OSBPL9: variants seen among roughly 807,000 people sequenced by gnomAD.
OSBPL9 encodes oxysterol binding protein like 9.
A neutral mutation model predicts 106.6 loss-of-function variants in OSBPL9; 40 were observed. The ratio of observed to expected loss-of-function variants is 0.38; its 90% CI spans 0.29 to 0.49. The LOEUF is 0.49. Among genes scored for constraint, OSBPL9 ranks in the 20% least tolerant of loss-of-function variants. The pLI is 0.97. For synonymous variants in OSBPL9, 269 were observed against 295.4 expected (o/e 0.91, Z 0.92); for missense variants, 609 against 887.2 (o/e 0.69, Z 3.98).
chr1:51,616,489 CCTT>C (rs1383545108), upstream of OSBPL9, among the ~76,000 whole-genome samples: 5 of 152,212 alleles, frequency 3.3e-5, no homozygotes, highest in Non-Finnish European at 5.9e-5. Flanking sequence ...CAGGCTCCCT[CCTT>C]CGCTTTCTTC....
At chr1:51,619,593 T>C (rs543509718) in intron 1 of OSBPL9, among the ~76,000 whole-genome samples, 1 of 152,300 alleles carries the variant, frequency 6.6e-6, no homozygotes, top group East Asian at 1.9e-4. Flanking sequence ...TTCCTTGATA[T>C]TGAAGTATTT....
the OSBPL9 span, among the ~76,000 whole-genome samples, chr1:51,560,058 A>C: frequency 6.6e-6 from 1 of 152,256 alleles, no homozygotes; most frequent in South Asian, 2.1e-4. Context: ...AAGCCAGAGA[A>C]GCAAGAAAGT....
intron 1 of OSBPL9, among the ~76,000 whole-genome samples, chr1:51,583,296 A>G (rs1004247284): frequency 6.6e-6 from 1 of 152,104 alleles, no homozygotes; most frequent in African/African-American, 2.4e-5. Flanking sequence ...AGAGTGTAGG[A>G]AAGGGAGCTA....
In OSBPL9 at chr1:51,622,245, G is replaced by A. The variant is rs551455553; in HGVS notation, c.111+5024G>A. 4.5e-4 allele frequency among the ~76,000 whole-genome samples: 68 copies of A among 152,272 alleles called. 1 individual carries two copies. The Middle Eastern group carries it at 0.034, about 76-fold the overall frequency. ...TTGACATAAAGATGTGTTACAGTCT[G>A]GAGCTTGGGACAAAAATCTGGGCTG... On this transcript the variant is annotated intron_variant, in intron 1 of 23. Transcript: ENST00000428468.
At chr1:51,747,686 C>T (rs1183078768) in intron 6 of OSBPL9, among the ~76,000 whole-genome samples, 1 of 150,362 alleles carries the variant, frequency 6.7e-6, no homozygotes, top group Non-Finnish European at 1.5e-5. Flanking sequence ...AGTCCCATGT[C>T]GTTTTAAAAC....
At position 51,787,406 on chromosome 1, in the gene OSBPL9, C is replaced by A. The variant is rs1451593272; in HGVS notation, c.2054C>A (p.Thr685Asn). 3 of 1,614,026 alleles carry A rather than the reference C, an allele frequency of 1.9e-6. No homozygotes were observed. In the South Asian group the frequency reaches 3.3e-5, roughly 18 times the overall value. ...AAAATCAGAGACATTGATGCAGCAA[C>A]TGAAGCAAAGCACAGGCTTGAAGAA... Reference protein sequence around the residue: ...NLKIRDIDAATEAKHRLEERQ... With the variant: ...NLKIRDIDAANEAKHRLEERQ... Residue 685 changes from threonine to asparagine, a missense_variant, in exon 23 of 24, where the codon ACT (threonine) becomes AAT (asparagine). Physicochemically the swap from Thr to Asn is moderately conservative, Grantham distance 65. Around this residue, in one of 5 missense-constraint regions of OSBPL9, gnomAD observed 132 missense variants for 158.1 expected, o/e 0.83. Transcript: ENST00000428468.
At chr1:51,601,269 A>G (rs1645324301) in intron 2 of OSBPL9, among the ~76,000 whole-genome samples, 1 of 152,240 alleles carries the variant, frequency 6.6e-6, no homozygotes, top group Non-Finnish European at 1.5e-5. Context: ...ATTACTGTGT[A>G]GTCCTGGGAA....
At chr1:51,652,703 T>C (rs919485449) in intron 2 of OSBPL9, among the ~76,000 whole-genome samples, 6 of 152,244 alleles carry the variant, frequency 3.9e-5, no homozygotes, top group Non-Finnish European at 7.3e-5. Context: ...CTAGCTGTAC[T>C]TCAGAGAAGG....
chr1:51,644,160 T>C (rs889888465), intron 1 of OSBPL9, among the ~76,000 whole-genome samples: 43 of 146,360 alleles, frequency 2.9e-4, no homozygotes, highest in African/African-American at 8.6e-4. Context: ...GGGTGGTTGA[T>C]GGTAGAGATG....
chr1:51,730,830 C>T (rs1422176864), intron 4 of OSBPL9, among the ~76,000 whole-genome samples: 2 of 151,942 alleles, frequency 1.3e-5, no homozygotes, highest in Non-Finnish European at 2.9e-5. Context: ...TCAAGTAATT[C>T]CTAGTTTCTC....
intron 3 of OSBPL9, among the ~76,000 whole-genome samples, chr1:51,684,913 CT>C (rs1215136847): frequency 4.5e-3 from 550 of 122,366 alleles, no homozygotes; most frequent in African/African-American, 8.7e-3. Context: ...TGCTCTTCTT[CT>C]TTTTTTTTTT....
intron 1 of OSBPL9, among the ~76,000 whole-genome samples, chr1:51,583,163 G>A (rs1645230192): frequency 6.6e-6 from 1 of 152,090 alleles, no homozygotes; most frequent in South Asian, 2.1e-4. Context: ...ATTAAACGTA[G>A]TAGGGTGTTA....
At chr1:51,774,026 G>A (rs1674519739) in intron 14 of OSBPL9, among the ~76,000 whole-genome samples, 1 of 151,952 alleles carries the variant, frequency 6.6e-6, no homozygotes, top group Admixed American at 6.5e-5. Flanking sequence ...GCTTCCTGTT[G>A]AATCTCATTG....
chr1:51,677,344 TAA>T (rs1484671010), intron 3 of OSBPL9, among the ~76,000 whole-genome samples: 1 of 152,218 alleles, frequency 6.6e-6, no homozygotes, highest in Non-Finnish European at 1.5e-5. Context: ...AATTTGTAGA[TAA>T]AGAGAAGTGA....
intron 3 of OSBPL9, among the ~76,000 whole-genome samples, chr1:51,672,880 A>G (rs1261667916): frequency 6.6e-6 from 1 of 152,214 alleles, no homozygotes; most frequent in Non-Finnish European, 1.5e-5. Flanking sequence ...TGTTTACTAA[A>G]CAAGTTTTAA....
At chr1:51,637,963 T>C (rs1301892916) in intron 1 of OSBPL9, among the ~76,000 whole-genome samples, 2 of 152,206 alleles carry the variant, frequency 1.3e-5, no homozygotes, top group African/African-American at 4.8e-5. Flanking sequence ...CTTCTGATAT[T>C]AGTTCTGGCC....
intron 16 of OSBPL9, among the ~76,000 whole-genome samples, chr1:51,781,847 T>C (rs1676461006): frequency 1.3e-5 from 2 of 151,922 alleles, no homozygotes; most frequent in Admixed American, 1.3e-4. Flanking sequence ...AAGATTGGAT[T>C]TGGGGAGGGA....
Position 51,687,393 on chromosome 1 carries a change from T to C in OSBPL9, c.241+17881T>C, listed in dbSNP as rs1044586661. ...TAAGCACAGGATGCAAAATAACTTA[T>C]GCATAGTATGTAATTTGGAACAAAT... On this transcript the variant is annotated intron_variant, in intron 3 of 23. Transcript: ENST00000428468. 3.3e-5 allele frequency among the ~76,000 whole-genome samples: 5 copies of C among 152,328 alleles called. No individual in the cohort carries two copies. The South Asian group carries it at 8.3e-4, about 25-fold the overall frequency.
At position 51,738,825 on chromosome 1, in the gene OSBPL9, C is replaced by T. The variant is rs555400850; in HGVS notation, c.319-6711C>T. Among the ~76,000 whole-genome samples, 24 of 151,976 alleles carry T rather than the reference C, an allele frequency of 1.6e-4. No individual in the cohort carries two copies. The South Asian group carries it at 2.3e-3, about 14-fold the overall frequency. On this transcript the variant is annotated intron_variant, in intron 4 of 23. Coordinates refer to ENST00000428468, the MANE Select transcript of OSBPL9 (RefSeq NM_024586.6). The stretch of plus-strand genomic sequence containing the variant: ...TTGATTCGTTTTGTTTTTATCCATC[C>T]GTACTCATTGAGTGCCTTCTATGCG...
Sources: gnomAD v4.1 joint callset for allele counts (sites outside exome capture counted in the v4.1 genomes callset) on GRCh38, gnomAD v4.1.1 for gene constraint, gnomAD v4.1.1 regional missense constraint, MANE v1.5 for transcripts, NCBI Gene and HGNC (gene_info 2026-07-23, HGNC 2026-07-21) for gene names.